Variants in FRMD4A observed in about 807,000 individuals in gnomAD.
FRMD4A encodes the protein FERM domain containing 4A.
A neutral mutation model predicts 129.1 loss-of-function variants in FRMD4A; 29 were observed. That is an observed-to-expected ratio of 0.22 (90% CI 0.17 to 0.31). The LOEUF (loss-of-function observed/expected upper bound fraction) is 0.31. Ranked by LOEUF, FRMD4A falls within the 10% of genes least tolerant of loss-of-function variation. FRMD4A has a pLI of 1.00. For missense variants in FRMD4A, 1,272 were observed against 1,375.8 expected (o/e 0.92, Z 1.19); for synonymous variants, 634 against 571.6 (o/e 1.11, Z -1.56).
chr10:14,246,137 G>A (rs1844228335), intron 2 of FRMD4A, among the ~76,000 whole-genome samples: 1 of 152,196 alleles, frequency 6.6e-6, no homozygotes, highest in African/African-American at 2.4e-5. Context: ...GCAGGAACCT[G>A]CTAGAGAAAC....
intron 3 of FRMD4A, among the ~76,000 whole-genome samples, chr10:13,811,620 G>A (rs140258284): frequency 1.0e-3 from 158 of 151,630 alleles, no homozygotes; most frequent in African/African-American, 3.6e-3. Flanking sequence ...ACACCAGAGC[G>A]TTAGGCATAA....
chr10:13,664,785 A>G (rs557713782), intron 18 of FRMD4A, among the ~76,000 whole-genome samples: 8 of 151,986 alleles, frequency 5.3e-5, no homozygotes, highest in African/African-American at 1.9e-4. Context: ...ATCATAGTGG[A>G]CTACAGTCTC....
At chr10:13,669,752 G>T (rs1171420090) in intron 17 of FRMD4A, among the ~76,000 whole-genome samples, 1 of 152,202 alleles carries the variant, frequency 6.6e-6, no homozygotes, top group African/African-American at 2.4e-5. Context: ...TCATTAACCA[G>T]CCAGAGAGTC....
intron 2 of FRMD4A, among the ~76,000 whole-genome samples, chr10:14,301,219 T>A (rs1328212311): frequency 2.6e-5 from 4 of 152,238 alleles, no homozygotes; most frequent in African/African-American, 9.6e-5. Context: ...GTATTCACTG[T>A]ATGTGCTTCT....
intron 2 of FRMD4A, chr10:13,991,770 C>T (rs2095604405): frequency 6.6e-6 from 1 of 152,510 alleles, no homozygotes; most frequent in South Asian, 2.1e-4. Flanking sequence ...GTAACACACA[C>T]AGAAGAGAAG....
rs2400063 is a variant in FRMD4A, at chr10:14,300,076, T to C, written c.45+29982A>G. On this transcript the variant is annotated intron_variant, in intron 2 of 24. Transcript: ENST00000357447. ...CTAGTTCCTCTAGAACTAGAACTTTTATACCTTCGTGTAGGAGCCCTACAC... is the reference window on the plus strand; with the variant it reads ...CTAGTTCCTCTAGAACTAGAACTTTCATACCTTCGTGTAGGAGCCCTACAC... Among the ~76,000 whole-genome samples the C allele has an allele frequency of 7.3e-3, 1,107 of 151,724 alleles. 35 individuals are homozygous for C. The East Asian group carries it at 0.08, about 11-fold the overall frequency.
chr10:14,202,802 T>C (rs1428789212), intron 2 of FRMD4A, among the ~76,000 whole-genome samples: 1 of 152,108 alleles, frequency 6.6e-6, no homozygotes, highest in African/African-American at 2.4e-5. Flanking sequence ...AAACAAGATC[T>C]CTCTCTGTCA....
At chr10:13,677,478 C>T (rs1050641494) in intron 15 of FRMD4A, among the ~76,000 whole-genome samples, 1 of 152,230 alleles carries the variant, frequency 6.6e-6, no homozygotes, top group African/African-American at 2.4e-5. Context: ...TGGATTTTGA[C>T]ATACTTCAGT....
At chr10:13,974,386 G>C (rs1001023414) in intron 2 of FRMD4A, among the ~76,000 whole-genome samples, 2 of 152,090 alleles carry the variant, frequency 1.3e-5, no homozygotes, top group Non-Finnish European at 2.9e-5. Context: ...GTCTGGAATC[G>C]GAGCCTGGTG....
rs535744746 is a variant in FRMD4A, at chr10:13,732,674, G to GC, written c.759+5169dup. 1.1e-4 allele frequency among the ~76,000 whole-genome samples: 17 copies of GC among 152,346 alleles called. No homozygotes were observed. The East Asian group carries it at 3.3e-3, about 29-fold the overall frequency. ...GCACAGTGCTGGGTGTCACTCCCTT[G>GC]CCTGAGCATCCCTGGAGGCTCGAGG... is the stretch of plus-strand genomic sequence containing the variant. On this transcript the variant is annotated intron_variant, in intron 12 of 24. Transcript: ENST00000357447.
chr10:14,162,962 G>A (rs887090371), intron 2 of FRMD4A, among the ~76,000 whole-genome samples: 4 of 152,042 alleles, frequency 2.6e-5, no homozygotes, highest in South Asian at 2.1e-4. Flanking sequence ...ATGGCCATTC[G>A]AATCTCTTTC....
At chr10:13,984,050 G>C (rs2095572254) in intron 2 of FRMD4A, among the ~76,000 whole-genome samples, 1 of 151,942 alleles carries the variant, frequency 6.6e-6, no homozygotes. Context: ...GCTGGAACTA[G>C]GGGTCTCGGT....
intron 2 of FRMD4A, among the ~76,000 whole-genome samples, chr10:13,920,905 A>C (rs191968921): frequency 6.6e-6 from 1 of 152,302 alleles, no homozygotes; most frequent in East Asian, 1.9e-4. Flanking sequence ...CACTGAATCA[A>C]TTCTCACTAT....
chr10:14,065,103 A>G (rs1258337637), intron 2 of FRMD4A, among the ~76,000 whole-genome samples: 2 of 152,072 alleles, frequency 1.3e-5, no homozygotes, highest in Admixed American at 1.3e-4. Context: ...CTTCACACCC[A>G]CTATTGACGA....
chr10:14,123,516 G>T lies in FRMD4A; in HGVS notation c.45+206542C>A, dbSNP rs1235217927. ...TAGGAAAACTGGATTTCTCTAGAAG[G>T]CTCAAGCTCCTGGGTAGAGCTCCTG... On this transcript the variant is annotated intron_variant, in intron 2 of 24. Coordinates refer to ENST00000357447, the MANE Select transcript of FRMD4A (RefSeq NM_018027.5). Among the ~76,000 whole-genome samples, 4 of 152,206 alleles carry T rather than the reference G, an allele frequency of 2.6e-5. No homozygotes were observed. The East Asian group carries it at 5.8e-4, about 22-fold the overall frequency.
intron 2 of FRMD4A, among the ~76,000 whole-genome samples, chr10:14,182,706 A>G (rs1369493594): frequency 6.6e-6 from 1 of 152,180 alleles, no homozygotes; most frequent in Non-Finnish European, 1.5e-5. Flanking sequence ...AACCTCCTTT[A>G]AGGCAGGTTC....
chr10:13,684,389 ATTGT>A lies in FRMD4A; in HGVS notation c.1118-9349_1118-9346del, dbSNP rs1199883721. Reference sequence around the variant, plus strand: ...GAGTGAACTTCCCGATGCTATGAACATTGTTTGAGACCCTGGAGACACTGCCTGT... The same window carrying A: ...GAGTGAACTTCCCGATGCTATGAACATTGAGACCCTGGAGACACTGCCTGT... On this transcript the variant is annotated intron_variant, in intron 15 of 24. Transcript: ENST00000357447. The A allele has an allele frequency of 1.7e-5, 17 of 985,150 alleles. No homozygotes were observed. In the African/African-American group the frequency reaches 2.4e-4, roughly 14 times the overall value. 61.0% of individuals were successfully genotyped at this position (985,150 alleles called of 1,614,324 possible).
At chr10:13,889,666 G>T (rs1283629964) in intron 2 of FRMD4A, among the ~76,000 whole-genome samples, 5 of 152,102 alleles carry the variant, frequency 3.3e-5, no homozygotes, top group Non-Finnish European at 7.4e-5. Flanking sequence ...CAATAGCAGC[G>T]GCAGATCACA....
intron 4 of FRMD4A, among the ~76,000 whole-genome samples, chr10:13,799,301 G>A (rs1298665160): frequency 6.6e-6 from 1 of 152,166 alleles, no homozygotes; most frequent in Non-Finnish European, 1.5e-5. Context: ...GGGACTACAG[G>A]CGCAGGCCGC....
Sources: allele counts gnomAD v4.1 joint callset (sites outside exome capture counted in the v4.1 genomes callset), GRCh38; gene constraint gnomAD v4.1.1; transcripts MANE v1.5; gene names NCBI Gene and HGNC (gene_info 2026-07-23, HGNC 2026-07-21).